RADIL: variants seen among roughly 807,000 people sequenced by gnomAD.
RADIL encodes the protein ras-associating and dilute domain-containing protein.
In RADIL, 99 loss-of-function variants were observed where a neutral mutation model predicts 97.6. That is an observed-to-expected ratio of 1.01 (90% CI 0.86 to 1.20). The LOEUF (loss-of-function observed/expected upper bound fraction) is 1.20, where lower values mean the gene tolerates loss of function less well. Among genes scored for constraint, RADIL ranks in the 50% most tolerant of loss-of-function variants. The probability of loss-of-function intolerance (pLI) is 0.00; values close to 1 mark genes in which losing one functional copy is unlikely to be tolerated. For synonymous variants in RADIL, 803 were observed against 691.8 expected (o/e 1.16, Z -2.52); for missense variants, 1,765 against 1,498.9 (o/e 1.18, Z -2.93).
At chr7:4,861,964 A>G in intron 2 of RADIL, 1 of 467,944 alleles carries the variant, frequency 2.1e-6, no homozygotes, top group Non-Finnish European at 3.7e-6. Flanking sequence ...CCGCTTCAGG[A>G]GCTTCTCCTC....
rs1333726568 is a variant in RADIL at position 4,817,579 on chromosome 7, G to A, written c.1616-228C>T. Among the ~76,000 whole-genome samples the A allele has an allele frequency of 6.6e-6, 1 of 152,032 alleles. No individual in the cohort carries two copies. The highest frequency in any genetic ancestry group is 1.5e-5 in the Non-Finnish European group (1 of 68,000). ...GGGAATGCCGGGAGGGGCAGGAGGG[G>A]TCCAGACACCCAACATCTCAATGCC... On this transcript the variant is annotated intron_variant, in intron 6 of 14. Coordinates refer to ENST00000399583, the MANE Select transcript of RADIL (RefSeq NM_018059.5). The surrounding 1 kb of genome is among the most constrained non-coding windows in gnomAD (Gnocchi z 8.3).
intron 11 of RADIL, among the ~76,000 whole-genome samples, chr7:4,803,217 A>G (rs376223787): frequency 5.5e-4 from 24 of 43,668 alleles, no homozygotes; most frequent in Admixed American, 1.5e-3. Flanking sequence ...CTCGGGGCAC[A>G]CTGGCTGGGC....
chr7:4,830,664 G>T (rs1022951817), intron 5 of RADIL, among the ~76,000 whole-genome samples: 1 of 151,828 alleles, frequency 6.6e-6, no homozygotes, highest in South Asian at 2.1e-4. Flanking sequence ...GATCACCTGA[G>T]GTCAGGAGTT....
At chr7:4,816,503 C>A in intron 7 of RADIL, 38 bp from the exon 8 acceptor site, 1 of 1,559,150 alleles carries the variant, frequency 6.4e-7, no homozygotes, top group Non-Finnish European at 8.8e-7. Flanking sequence ...CCAGCATTTC[C>A]AGGAGCGCTG....
intron 2 of RADIL, among the ~76,000 whole-genome samples, chr7:4,862,336 G>C (rs1431547460): frequency 1.3e-5 from 2 of 152,208 alleles, no homozygotes; most frequent in Non-Finnish European, 2.9e-5. Context: ...AGACCCCTTC[G>C]TGGTGGGAAC....
intron 9 of RADIL, among the ~76,000 whole-genome samples, chr7:4,807,521 G>A (rs1205149812): frequency 6.3e-5 from 3 of 47,556 alleles, no homozygotes; most frequent in African/African-American, 1.9e-4. Context: ...CTCCCTCTCC[G>A]TCTCCCCTCC....
At chr7:4,826,750 A>T (rs908474733) in intron 5 of RADIL, among the ~76,000 whole-genome samples, 1 of 152,058 alleles carries the variant, frequency 6.6e-6, no homozygotes, top group Non-Finnish European at 1.5e-5. Flanking sequence ...AAAAACAAAA[A>T]AAAAAACCCA....
At position 4,801,925 on chromosome 7, in the gene RADIL, CCAGGGTCCCTGGGAGCCAGGGGG is replaced by C; in HGVS notation, c.2547_2569del (p.Cys849TrpfsTer57). 6.4e-7 allele frequency: 1 copy of C among 1,567,544 alleles called. No individual in the cohort carries two copies. Among genetic ancestry groups the C allele is most frequent in the Non-Finnish European group, 8.6e-7 (1 of 1,158,482 alleles). On this transcript the variant is annotated frameshift_variant, in exon 12 of 15. Coordinates refer to ENST00000399583, the MANE Select transcript of RADIL (RefSeq NM_018059.5). LOFTEE classifies it high-confidence loss of function. ...CGGGGCCACTTCCCGGGCTGCTGGGCCAGGGTCCCTGGGAGCCAGGGGGCAGCTCGGGGCCTCCAGGTGCCCGT... is the reference window on the plus strand; with the variant it reads ...CGGGGCCACTTCCCGGGCTGCTGGGCCAGCTCGGGGCCTCCAGGTGCCCGT...
chr7:4,802,417 C>A (rs1411006721), intron 11 of RADIL, among the ~76,000 whole-genome samples: 1 of 145,268 alleles, frequency 6.9e-6, no homozygotes, highest in African/African-American at 2.5e-5. Context: ...GCCCCCTCCC[C>A]GGGCACCTCG....
At position 4,854,219 on chromosome 7, in the gene RADIL, G is replaced by A. The variant is rs543087757; in HGVS notation, c.536-17614C>T. On this transcript the variant is annotated intron_variant, in intron 2 of 14. Transcript: ENST00000399583. The surrounding 1 kb of genome is among the most constrained non-coding windows in gnomAD (Gnocchi z 5.1). Reference sequence around the variant, plus strand: ...AAAAAGCCTGGTCCCTGGTGACCAGGAAAGCCACCGTTACCAGCCCCGAAC... The same window carrying A: ...AAAAAGCCTGGTCCCTGGTGACCAGAAAAGCCACCGTTACCAGCCCCGAAC... Among the ~76,000 whole-genome samples, 4,047 of 152,270 alleles carry A rather than the reference G, an allele frequency of 0.027. 170 individuals carry two copies. The highest frequency in any genetic ancestry group is 0.09 in the African/African-American group (3,746 of 41,530).
chr7:4,829,324 T>A (rs1029753450), intron 5 of RADIL, among the ~76,000 whole-genome samples: 1 of 152,100 alleles, frequency 6.6e-6, no homozygotes, highest in Non-Finnish European at 1.5e-5. Flanking sequence ...CCACCCCCAG[T>A]GCATGGCATC....
At chr7:4,803,522 C>T in intron 11 of RADIL, 24 bp downstream of exon 11, 20 of 1,521,258 alleles carry the variant, frequency 1.3e-5, no homozygotes, top group Non-Finnish European at 1.8e-5. Flanking sequence ...GGCACGCTGG[C>T]TGGGGGGCCC....
At chr7:4,869,280 G>A (rs929836450) in intron 2 of RADIL, among the ~76,000 whole-genome samples, 5 of 152,156 alleles carry the variant, frequency 3.3e-5, no homozygotes, top group Non-Finnish European at 5.9e-5. Context: ...CTACAGGCCT[G>A]TGGCACCACA....
intron 2 of RADIL, among the ~76,000 whole-genome samples, chr7:4,866,689 G>A (rs979461522): frequency 6.6e-6 from 1 of 152,184 alleles, no homozygotes; most frequent in African/African-American, 2.4e-5. Context: ...GTCTCCAGGG[G>A]AGACTTATCC....
At position 4,837,821 on chromosome 7, in the gene RADIL, C is replaced by T. The variant is rs1783341288; in HGVS notation, c.536-1216G>A. 3 of 985,128 alleles carry T rather than the reference C, an allele frequency of 3.0e-6. No individual in the cohort carries two copies. Among genetic ancestry groups the T allele is most frequent in the Non-Finnish European group, 3.6e-6 (3 of 829,816 alleles). The allele number at this position is 985,128 out of a possible 1,614,324, so 61.0% of individuals were successfully genotyped here. A position where few individuals can be genotyped will look rare whatever the true frequency, so the allele number is the denominator to read the frequency against. On this transcript the variant is annotated intron_variant, in intron 2 of 14. Coordinates refer to ENST00000399583, the MANE Select transcript of RADIL (RefSeq NM_018059.5). The surrounding 1 kb of genome is among the most constrained non-coding windows in gnomAD (Gnocchi z 5.6). ...GCCAGCCGGCTGCGATAGATGAAAACCGCTCACCAGTCCCCAGCTGACCCG... is the reference window on the plus strand; with the variant it reads ...GCCAGCCGGCTGCGATAGATGAAAATCGCTCACCAGTCCCCAGCTGACCCG...
At position 4,883,481 on chromosome 7, in the gene RADIL, T is replaced by C; in HGVS notation, c.-65+115A>G. 1 of 151,450 alleles carries C rather than the reference T, an allele frequency of 6.6e-6. No homozygotes were observed. Among genetic ancestry groups the C allele is most frequent in the Non-Finnish European group, 1.5e-5 (1 of 67,936 alleles). The allele number at this position is 151,450 out of a possible 1,614,324, so 9.4% of individuals were successfully genotyped here. A position where few individuals can be genotyped will look rare whatever the true frequency, so the allele number is the denominator to read the frequency against. Reference sequence around the variant, plus strand: ...CCGCGCCCCGACCAGCGGCCGGGAGTGTCCCCGAGCGCGCCCCGCGGCCTC... The same window carrying C: ...CCGCGCCCCGACCAGCGGCCGGGAGCGTCCCCGAGCGCGCCCCGCGGCCTC... On this transcript the variant is annotated intron_variant, in intron 1 of 14. Transcript: ENST00000399583. The surrounding 1 kb of genome is among the most constrained non-coding windows in gnomAD (Gnocchi z 7.1).
intron 2 of RADIL, among the ~76,000 whole-genome samples, chr7:4,848,833 A>G (rs1185869002): frequency 6.6e-6 from 1 of 152,150 alleles, no homozygotes; most frequent in African/African-American, 2.4e-5. Flanking sequence ...ATAGTAGGAT[A>G]CGTTTGTTAA....
intron 9 of RADIL, among the ~76,000 whole-genome samples, chr7:4,811,887 T>A (rs189429401): frequency 4.6e-5 from 7 of 152,092 alleles, no homozygotes; most frequent in Non-Finnish European, 8.8e-5. Context: ...CTTTTTTTTT[T>A]ATTTGAGACA....
intron 2 of RADIL, among the ~76,000 whole-genome samples, 187 bp from the exon 3 acceptor site, chr7:4,836,792 GT>G (rs1783313088): frequency 6.6e-6 from 1 of 152,144 alleles, no homozygotes; most frequent in East Asian, 1.9e-4. Flanking sequence ...ACAAAAATGA[GT>G]TGGGCGTGGT....
Sources: gnomAD v4.1 joint callset for allele counts (sites outside exome capture counted in the v4.1 genomes callset) on GRCh38, gnomAD v4.1.1 for gene constraint, Gnocchi (gnomAD v3.1) non-coding constraint, MANE v1.5 for transcripts, NCBI Gene and HGNC (gene_info 2026-07-23, HGNC 2026-07-21) for gene names.